The following ATXN2L variants were observed in gnomAD, a reference collection of about 807,000 sequenced individuals.
ATXN2L encodes ataxin 2 like.
In ATXN2L, 24 loss-of-function variants were observed where a neutral mutation model predicts 120.7. The observed-to-expected ratio is 0.20, with a 90% CI of 0.14 to 0.28. The LOEUF is 0.28. Among genes scored for constraint, ATXN2L ranks in the 10% least tolerant of loss-of-function variants. ATXN2L has a pLI of 1.00. For synonymous variants in ATXN2L, 653 were observed against 568.1 expected (o/e 1.15, Z -2.13); for missense variants, 1,312 against 1,432.3 (o/e 0.92, Z 1.36).
At chr16:28,830,884 C>G in intron 9 of ATXN2L, 78 bp from the exon 10 acceptor site, 4 of 1,496,814 alleles carry the variant, frequency 2.7e-6, no homozygotes, top group Non-Finnish European at 3.6e-6. Flanking sequence ...GTTGGAATGA[C>G]GCTGCATCGG....
Position 28,834,223 on chromosome 16 carries a change from G to C in ATXN2L, c.2172+12G>C, listed in dbSNP as rs2055631135. 1 of 1,612,374 alleles carries C rather than the reference G, an allele frequency of 6.2e-7. No individual in the cohort carries two copies. Among genetic ancestry groups the C allele is most frequent in the East Asian group, 2.2e-5 (1 of 44,824 alleles). ...GACCAGCTGTGCAGGTATGCAGAGA[G>C]ACTGGCCGGGCCCAGGGTTAGCGGG... On this transcript the variant is annotated intron_variant, in intron 16 of 21. Coordinates refer to ENST00000336783, the MANE Select transcript of ATXN2L (RefSeq NM_007245.4).
Position 28,829,510 on chromosome 16 carries a change from C to A in ATXN2L, c.833+18C>A. The stretch of plus-strand genomic sequence containing the variant: ...TCTTATACGTGAGTATCTTGGTGCT[C>A]TCCAGGTGATGTGTTGGTGATATGG... On this transcript the variant is annotated intron_variant, in intron 7 of 21. Transcript: ENST00000336783. 1 of 1,528,204 alleles carries A rather than the reference C, an allele frequency of 6.5e-7. No individual in the cohort carries two copies. Among genetic ancestry groups the A allele is most frequent in the Non-Finnish European group, 9.1e-7 (1 of 1,101,986 alleles). The allele number at this position is 1,528,204 out of a possible 1,614,324, so 94.7% of individuals were successfully genotyped here.
intron 6 of ATXN2L, 104 bp from the exon 7 acceptor site, chr16:28,829,284 TCAGCCACTGTGCC>T (rs2053492736): frequency 1.4e-6 from 1 of 725,454 alleles, no homozygotes. Flanking sequence ...ATTACAGGTT[TCAGCCACTGTGCC>T]CAGCCAATTT....
At chr16:28,827,619 C>T (rs1193382634) in intron 6 of ATXN2L, among the ~76,000 whole-genome samples, 1 of 152,190 alleles carries the variant, frequency 6.6e-6, no homozygotes, top group African/African-American at 2.4e-5. Flanking sequence ...TGCCTGTAGT[C>T]CCAGCTACTT....
Position 28,823,344 on chromosome 16 carries a change from G to T in ATXN2L, c.85G>T (p.Gly29Trp). Residue 29 changes from glycine to tryptophan, a missense_variant, in exon 1 of 22, where the codon GGG becomes TGG. Coordinates refer to ENST00000336783, the MANE Select transcript of ATXN2L (RefSeq NM_007245.4). The part of the protein sequence containing the change: ...TQQAVARRPP[G>W]GTSPPNGGLP... The stretch of plus-strand genomic sequence containing the variant: ...ACAGGCCGTGGCCCGTCGGCCCCCC[G>T]GGGGCACCAGCCCTCCCAACGGCGG... 7.3e-7 allele frequency: 1 copy of T among 1,376,384 alleles called. No individual in the cohort carries two copies. The highest frequency in any genetic ancestry group is 1.9e-5 in the South Asian group (1 of 52,810). The allele number at this position is 1,376,384 out of a possible 1,614,324, so 85.3% of individuals were successfully genotyped here.
chr16:28,834,232 G>A, intron 16 of ATXN2L, 21 bp downstream of exon 16: 1 of 1,611,586 alleles, frequency 6.2e-7, no homozygotes, highest in Non-Finnish European at 8.5e-7. Context: ...AGACTGGCCG[G>A]GCCCAGGGTT....
Position 28,826,301 on chromosome 16 carries a change from G to A in ATXN2L, c.527G>A (p.Arg176Gln), listed in dbSNP as rs1320843988. Residue 176 changes from arginine to glutamine, a missense_variant, in exon 5 of 22, where the codon CGG (arginine) becomes CAG (glutamine). Transcript: ENST00000336783. Reference sequence around the variant, plus strand: ...TCTGAGCCAGCAGGTGGCCCTCGTCGGGAGGACATTGTGGACACCATGGTG... The same window carrying A: ...TCTGAGCCAGCAGGTGGCCCTCGTCAGGAGGACATTGTGGACACCATGGTG... ...KASEPAGGPR[R>Q]EDIVDTMVFK... 17 of 1,614,074 alleles carry A rather than the reference G, an allele frequency of 1.1e-5. No homozygotes were observed. The highest frequency in any genetic ancestry group is 1.2e-5 in the Non-Finnish European group (14 of 1,180,038).
At chr16:28,823,763 C>T (rs558327967) in intron 1 of ATXN2L, 24 of 468,026 alleles carry the variant, frequency 5.1e-5, no homozygotes, top group African/African-American at 4.4e-4. Flanking sequence ...AGGGGCCGCG[C>T]TCGGCTCTCG....
Position 28,830,991 on chromosome 16 carries a change from C to T in ATXN2L, c.1240C>T (p.Arg414Trp), listed in dbSNP as rs1269710768. The change falls in exon 10 of 22, where the codon CGG (arginine) becomes TGG (tryptophan). Residue 414 changes from arginine to tryptophan, a missense_variant. By Grantham distance (101) the Arg-to-Trp change is moderately radical. Coordinates refer to ENST00000336783, the MANE Select transcript of ATXN2L (RefSeq NM_007245.4). ...GPSRMSPKAQ[R>W]PLRGAKTLSS... Reference sequence around the variant, plus strand: ...TTCCCGCATGTCCCCAAAGGCACAACGGCCTCTGAGAGGTGCCAAGACTCT... The same window carrying T: ...TTCCCGCATGTCCCCAAAGGCACAATGGCCTCTGAGAGGTGCCAAGACTCT... The T allele has an allele frequency of 2.5e-6, 4 of 1,595,810 alleles. No homozygotes were observed. Among genetic ancestry groups the T allele is most frequent in the African/African-American group, 1.4e-5 (1 of 73,658 alleles).
At chr16:28,833,610 T>C (rs2055341298) in intron 15 of ATXN2L, 102 bp downstream of exon 15, 3 of 1,222,456 alleles carry the variant, frequency 2.5e-6, no homozygotes, top group Admixed American at 1.8e-5. Context: ...CAGGACCACT[T>C]GCCTGGCAGG....
In ATXN2L at chr16:28,836,502, A is replaced by C; in HGVS notation, c.*237A>C. On this transcript the variant is annotated 3_prime_UTR_variant, in exon 22 of 22. Transcript: ENST00000336783. ...TTAGCCGAGGTAAGGTCAGTGCAGC[A>C]GACAGGGCCAGACTGGGGTGTGGGG... is the stretch of plus-strand genomic sequence containing the variant. 6.2e-7 allele frequency: 1 copy of C among 1,603,826 alleles called. No individual in the cohort carries two copies. The highest frequency in any genetic ancestry group is 1.1e-5 in the South Asian group (1 of 89,810).
In ATXN2L at chr16:28,823,007, G is replaced by A; in HGVS notation, c.-253G>A. The stretch of plus-strand genomic sequence containing the variant: ...CTCCCTCTCCGCTCCCCGGCGACGC[G>A]CACGCGCGCCAGCCCGGCTCGCGCC... On this transcript the variant is annotated 5_prime_UTR_variant, in exon 1 of 22. Transcript: ENST00000336783. 1 of 148,778 alleles carries A rather than the reference G, an allele frequency of 6.7e-6. No individual in the cohort carries two copies. 9.2% of individuals were successfully genotyped at this position (148,778 alleles called of 1,614,324 possible).
intron 1 of ATXN2L, 57 bp from the exon 2 acceptor site, chr16:28,825,309 C>A (rs1025754519): frequency 2.5e-5 from 37 of 1,508,158 alleles, no homozygotes; most frequent in Admixed American, 5.2e-5. Flanking sequence ...ACATTAATTT[C>A]ATAGTGGTCT....
chr16:28,823,501 C>T lies in ATXN2L; in HGVS notation c.242C>T (p.Pro81Leu). The T allele has an allele frequency of 7.3e-7, 1 of 1,361,690 alleles. No homozygotes were observed. The highest frequency in any genetic ancestry group is 9.4e-7 in the Non-Finnish European group (1 of 1,058,560). The allele number at this position is 1,361,690 out of a possible 1,614,324, so 84.4% of individuals were successfully genotyped here. A position where few individuals can be genotyped will look rare whatever the true frequency, so the allele number is the denominator to read the frequency against. ...GCCGAAGGCATCTTGGCGCCGCAGCCGCCGCCGCCGCAGCAACACCAGGAG... is the reference window on the plus strand; with the variant it reads ...GCCGAAGGCATCTTGGCGCCGCAGCTGCCGCCGCCGCAGCAACACCAGGAG... ...RGAEGILAPQ[P>L]PPPQQHQERP... Residue 81 changes from proline (P) to leucine (L), a missense_variant, in exon 1 of 22, where the codon CCG (proline) becomes CTG (leucine). Pro to Leu is a moderately conservative substitution (Grantham distance 98, BLOSUM62 -3). Transcript: ENST00000336783.
chr16:28,830,110 G>A, intron 8 of ATXN2L, 52 bp downstream of exon 8: 1 of 1,538,388 alleles, frequency 6.5e-7, no homozygotes, highest in South Asian at 1.2e-5. Flanking sequence ...AATATCCTGG[G>A]GCCTGGGCCC....
In ATXN2L at chr16:28,836,505, CAG is replaced by C; in HGVS notation, c.*241_*242del. ...GCCGAGGTAAGGTCAGTGCAGCAGA[CAG>C]GGCCAGACTGGGGTGTGGGGGGCTG... On this transcript the variant is annotated 3_prime_UTR_variant, in exon 22 of 22. Coordinates refer to ENST00000336783, the MANE Select transcript of ATXN2L (RefSeq NM_007245.4). 6.2e-7 allele frequency: 1 copy of C among 1,603,608 alleles called. No individual in the cohort carries two copies. The highest frequency in any genetic ancestry group is 8.5e-7 in the Non-Finnish European group (1 of 1,175,194).
intron 13 of ATXN2L, 21 bp from the exon 14 acceptor site, chr16:28,833,036 CTG>C (rs748956095): frequency 6.2e-7 from 1 of 1,610,682 alleles, no homozygotes; most frequent in Non-Finnish European, 8.5e-7. Flanking sequence ...TCAGACTGGA[CTG>C]TGTGTGTTTC....
intron 1 of ATXN2L, 108 bp downstream of exon 1, chr16:28,823,666 G>A (rs2050417612): frequency 9.0e-7 from 1 of 1,116,836 alleles, no homozygotes; most frequent in Non-Finnish European, 1.1e-6. Flanking sequence ...CCGGCTGGGT[G>A]GGGAGTCCCC....
At chr16:28,831,493 A>C (rs2054403113) in intron 10 of ATXN2L, among the ~76,000 whole-genome samples, 1 of 151,984 alleles carries the variant, frequency 6.6e-6, no homozygotes, top group Admixed American at 6.6e-5. Flanking sequence ...ACGGCTGGCT[A>C]ATTTTTTTGT....
Sources: allele counts gnomAD v4.1 joint callset (sites outside exome capture counted in the v4.1 genomes callset), GRCh38; gene constraint gnomAD v4.1.1; transcripts MANE v1.5; gene names NCBI Gene and HGNC (gene_info 2026-07-23, HGNC 2026-07-21).